Variants in SSBP2 observed in about 807,000 individuals in gnomAD.
SSBP2 encodes single stranded DNA binding protein 2, also known as single-stranded DNA-binding protein 2.
In SSBP2, 17 loss-of-function variants were observed where a neutral mutation model predicts 61.8. The observed-to-expected ratio is 0.28, with a 90% CI of 0.19 to 0.41. SSBP2 has a LOEUF of 0.41. SSBP2 is among the 10% of genes least tolerant of loss of function. SSBP2 has a pLI of 1.00. For synonymous variants in SSBP2, 139 were observed against 141.3 expected, an observed-to-expected ratio of 0.98 and a Z score of 0.12; for missense variants, 310 against 458.7, an observed-to-expected ratio of 0.68 and a Z score of 2.96.
At position 81,488,052 on chromosome 5, in the gene SSBP2, TATATATAA is replaced by T. The variant is rs1204849242; in HGVS notation, c.432+1190_432+1197del. Among the ~76,000 whole-genome samples, 20 of 56,648 alleles carry T rather than the reference TATATATAA, an allele frequency of 3.5e-4. 4 individuals are homozygous for T. In the South Asian group the frequency reaches 6.3e-3, roughly 18 times the overall value. 37.2% of individuals were successfully genotyped at this position (56,648 alleles called of 152,430 possible). On this transcript the variant is annotated intron_variant, in intron 6 of 16. Transcript: ENST00000320672. ...ATATATATATATATATATATATATA[TATATATAA>T]ATAAAATATCATATATTATATATAT...
chr5:81,465,963 G>C (rs1049285236), intron 9 of SSBP2, among the ~76,000 whole-genome samples: 14 of 152,022 alleles, frequency 9.2e-5, no homozygotes, highest in Admixed American at 9.2e-4. Flanking sequence ...AGGCAAATTT[G>C]CTTTCCATGA....
intron 6 of SSBP2, among the ~76,000 whole-genome samples, chr5:81,488,331 C>T (rs1016165035): frequency 1.3e-5 from 2 of 151,674 alleles, no homozygotes; most frequent in Non-Finnish European, 2.9e-5. Flanking sequence ...AAGTTACTTT[C>T]CCTGCAACAG....
chr5:81,495,000 T>C (rs1767176043), intron 5 of SSBP2, among the ~76,000 whole-genome samples: 1 of 152,186 alleles, frequency 6.6e-6, no homozygotes, highest in Non-Finnish European at 1.5e-5. Flanking sequence ...TTTAGACTTC[T>C]AGTTTCCTAA....
At chr5:81,613,238 C>A (rs1745630613) in intron 4 of SSBP2, among the ~76,000 whole-genome samples, 1 of 150,370 alleles carries the variant, frequency 6.7e-6, no homozygotes, top group African/African-American at 2.4e-5. Flanking sequence ...TGCTAATATT[C>A]ATAATGAATT....
chr5:81,722,934 GCTTT>G lies in SSBP2; in HGVS notation c.62+28043_62+28046del, dbSNP rs1354566473. ...TCCCTGATTTATATCTAGCACAATTGCTTTCTTTCCCTTTTGATGAAACCTCAGA... is the reference window on the plus strand; with the variant it reads ...TCCCTGATTTATATCTAGCACAATTGCTTTCCCTTTTGATGAAACCTCAGA... On this transcript the variant is annotated intron_variant, in intron 1 of 16. Coordinates refer to ENST00000320672, the MANE Select transcript of SSBP2 (RefSeq NM_012446.5). Among the ~76,000 whole-genome samples, 4 of 151,774 alleles carry G rather than the reference GCTTT, an allele frequency of 2.6e-5. No individual in the cohort carries two copies. In the East Asian group the frequency reaches 7.7e-4, roughly 29 times the overall value.
Position 81,513,699 on chromosome 5 carries a change from T to C in SSBP2, c.301A>G (p.Ser101Gly). ...GGGGGAATGTTTCCTAGCACTGGAC[T>C]GGGAGCTGCTGCAGCACTCTGCAAA... Residue 101 changes from serine (S) to glycine (G), a missense_variant, in exon 5 of 17, where the codon AGT (serine) becomes GGT (glycine). Physicochemically the swap from Ser to Gly is moderately conservative, Grantham distance 56. Coordinates refer to ENST00000320672, the MANE Select transcript of SSBP2 (RefSeq NM_012446.5). 1 of 1,612,386 alleles carries C rather than the reference T, an allele frequency of 6.2e-7. No homozygotes were observed. The highest frequency in any genetic ancestry group is 8.5e-7 in the Non-Finnish European group (1 of 1,178,684).
chr5:81,439,151 G>A lies in SSBP2; in HGVS notation c.928+1407C>T, dbSNP rs148064078. 4.2e-3 allele frequency among the ~76,000 whole-genome samples: 631 copies of A among 151,992 alleles called. 4 individuals are homozygous for A. Among genetic ancestry groups the A allele is most frequent in the Middle Eastern group, 0.014 (4 of 294 alleles). Reference sequence around the variant, plus strand: ...GGGAGGCATTTCCTGACCTTAGGTCGGGAAGTGAAATCTTATATATAACCT... The same window carrying A: ...GGGAGGCATTTCCTGACCTTAGGTCAGGAAGTGAAATCTTATATATAACCT... On this transcript the variant is annotated intron_variant, in intron 14 of 16. Coordinates refer to ENST00000320672, the MANE Select transcript of SSBP2 (RefSeq NM_012446.5).
chr5:81,750,665 G>T, intron 1 of SSBP2: 1 of 337,040 alleles, frequency 3.0e-6, no homozygotes, highest in Non-Finnish European at 5.5e-6. Context: ...AAGTTACTTT[G>T]GAAGGTGAAC....
intron 4 of SSBP2, among the ~76,000 whole-genome samples, chr5:81,558,913 G>T (rs1034011532): frequency 7.9e-5 from 12 of 152,148 alleles, no homozygotes; most frequent in African/African-American, 2.9e-4. Context: ...CTTATCAGAG[G>T]AACATCTAAG....
chr5:81,750,323 GC>G (rs1757654687), intron 1 of SSBP2, among the ~76,000 whole-genome samples: 1 of 139,360 alleles, frequency 7.2e-6, no homozygotes, highest in African/African-American at 2.7e-5. Flanking sequence ...GCCCAGGAAA[GC>G]CCGGACGCCC....
At chr5:81,743,666 A>C (rs1407193266) in intron 1 of SSBP2, among the ~76,000 whole-genome samples, 2 of 152,180 alleles carry the variant, frequency 1.3e-5, no homozygotes, top group Non-Finnish European at 2.9e-5. Flanking sequence ...TGTTTACAGG[A>C]AGAAATTCTG....
At chr5:81,531,178 C>T (rs1027282610) in intron 4 of SSBP2, among the ~76,000 whole-genome samples, 1 of 145,436 alleles carries the variant, frequency 6.9e-6, no homozygotes, top group Non-Finnish European at 1.5e-5. Flanking sequence ...GTCAAGACTG[C>T]AGTGAGCCAT....
At chr5:81,502,133 AC>A (rs1767841150) in intron 5 of SSBP2, among the ~76,000 whole-genome samples, 1 of 151,970 alleles carries the variant, frequency 6.6e-6, no homozygotes, top group Admixed American at 6.6e-5. Flanking sequence ...TCTCAGCTTA[AC>A]CTAGATCCAC....
chr5:81,562,197 C>A (rs964615626), intron 4 of SSBP2, among the ~76,000 whole-genome samples: 1 of 152,048 alleles, frequency 6.6e-6, no homozygotes, highest in African/African-American at 2.4e-5. Flanking sequence ...TGAGCCACCG[C>A]CCCCGGCCAA....
At chr5:81,652,960 A>C (rs1424131719) in intron 1 of SSBP2, among the ~76,000 whole-genome samples, 1 of 119,712 alleles carries the variant, frequency 8.4e-6, no homozygotes, top group Non-Finnish European at 1.7e-5. Flanking sequence ...TTTTTTCATT[A>C]TACTTTAAGT....
At chr5:81,453,028 C>T (rs1465172033) in intron 10 of SSBP2, among the ~76,000 whole-genome samples, 1 of 151,442 alleles carries the variant, frequency 6.6e-6, no homozygotes, top group African/African-American at 2.4e-5. Context: ...GGCATGGCAG[C>T]TCACACGTGT....
intron 4 of SSBP2, among the ~76,000 whole-genome samples, chr5:81,612,603 T>G (rs1745559100): frequency 6.6e-6 from 1 of 152,114 alleles, no homozygotes; most frequent in African/African-American, 2.4e-5. Flanking sequence ...GTAGTTTATG[T>G]GTCAATATTC....
chr5:81,501,268 T>TATACACAC (rs1205403428), intron 5 of SSBP2, among the ~76,000 whole-genome samples: 1 of 35,778 alleles, frequency 2.8e-5, no homozygotes, highest in Non-Finnish European at 5.2e-5. Flanking sequence ...TATATATATA[T>TATACACAC]ACACACACAC....
At position 81,573,941 on chromosome 5, in the gene SSBP2, C is replaced by A. The variant is rs182446278; in HGVS notation, c.282+41532G>T. Among the ~76,000 whole-genome samples, 5 of 152,094 alleles carry A rather than the reference C, an allele frequency of 3.3e-5. No individual in the cohort carries two copies. The East Asian group carries it at 9.7e-4, about 29-fold the overall frequency. Reference sequence around the variant, plus strand: ...GAATCACAAGGTCAGGAGATTGAGACCATCCTGGCTAACATGGTGAAACCC... The same window carrying A: ...GAATCACAAGGTCAGGAGATTGAGAACATCCTGGCTAACATGGTGAAACCC... On this transcript the variant is annotated intron_variant, in intron 4 of 16. Transcript: ENST00000320672.
Sources: allele counts gnomAD v4.1 joint callset (sites outside exome capture counted in the v4.1 genomes callset), GRCh38; gene constraint gnomAD v4.1.1; transcripts MANE v1.5; gene names NCBI Gene and HGNC (gene_info 2026-07-23, HGNC 2026-07-21).